Variants in BICC1 observed in about 807,000 individuals in gnomAD.
BICC1 encodes BicC family RNA binding protein 1.
A neutral mutation model predicts 111.0 loss-of-function variants in BICC1; 43 were observed. The ratio of observed to expected loss-of-function variants is 0.39; its 90% CI spans 0.30 to 0.50. BICC1 has a LOEUF of 0.50. BICC1 is among the 20% of genes least tolerant of loss of function. BICC1 has a pLI of 0.88. For missense variants in BICC1, 1,091 were observed against 1,203.2 expected (o/e 0.91, Z 1.38); for synonymous variants, 467 against 434.4 (o/e 1.07, Z -0.93).
At chr10:58,700,932 A>G (rs1286807128) in intron 2 of BICC1, among the ~76,000 whole-genome samples, 7 of 152,198 alleles carry the variant, frequency 4.6e-5, no homozygotes, top group African/African-American at 1.7e-4. Context: ...TCAAACTTTA[A>G]AAAACCTTAC....
At chr10:58,720,282 C>T (rs1322464125) in intron 3 of BICC1, among the ~76,000 whole-genome samples, 3 of 152,112 alleles carry the variant, frequency 2.0e-5, no homozygotes, top group African/African-American at 7.2e-5. Context: ...TGAATGAAAG[C>T]TCAATTTATT....
At chr10:58,701,396 T>C (rs575831396) in intron 2 of BICC1, among the ~76,000 whole-genome samples, 18 of 152,300 alleles carry the variant, frequency 1.2e-4, no homozygotes, top group Middle Eastern at 3.4e-3. Context: ...TTTCCGTTGC[T>C]GGGCAGTCGT....
At chr10:58,805,496 C>G (rs1843683731) in intron 15 of BICC1, among the ~76,000 whole-genome samples, 1 of 152,216 alleles carries the variant, frequency 6.6e-6, no homozygotes. Context: ...ATTTTAACTC[C>G]CAATGCCATT....
intron 3 of BICC1, among the ~76,000 whole-genome samples, chr10:58,710,760 A>G (rs1008103705): frequency 1.1e-4 from 16 of 151,966 alleles, no homozygotes; most frequent in African/African-American, 3.9e-4. Context: ...TTTTTTCTGT[A>G]TGTGTGGTTG....
chr10:58,795,344 T>C (rs969239187), intron 9 of BICC1, among the ~76,000 whole-genome samples: 1 of 152,186 alleles, frequency 6.6e-6, no homozygotes, highest in Non-Finnish European at 1.5e-5. Context: ...ATATAATTAG[T>C]TTAAAGTTAG....
intron 1 of BICC1, among the ~76,000 whole-genome samples, chr10:58,528,818 G>A (rs1842611252): frequency 6.6e-6 from 1 of 151,870 alleles, no homozygotes; most frequent in Non-Finnish European, 1.5e-5. Flanking sequence ...AAACCCAATG[G>A]TACTTTGAAC....
rs948615560 is a variant in BICC1 at position 58,716,732 on chromosome 10, T to A, written c.307+14589T>A. The stretch of plus-strand genomic sequence containing the variant: ...TCTGTAAGATAAGTGTAGTTTAATT[T>A]TTTTCCCCTCGTATACTTTTATTTA... On this transcript the variant is annotated intron_variant, in intron 3 of 20. Transcript: ENST00000373886. Among the ~76,000 whole-genome samples the A allele has an allele frequency of 2.0e-5, 3 of 148,436 alleles. 1 individual carries two copies. The highest frequency in any genetic ancestry group is 7.9e-5 in the African/African-American group (3 of 37,838).
chr10:58,774,276 A>G (rs1842693323), intron 3 of BICC1, among the ~76,000 whole-genome samples: 1 of 152,242 alleles, frequency 6.6e-6, no homozygotes, highest in Admixed American at 6.5e-5. Flanking sequence ...ACAGAGTTGT[A>G]GAGAAGAAAG....
intron 13 of BICC1, 96 bp from the exon 14 acceptor site, chr10:58,800,794 T>C (rs942158498): frequency 3.8e-5 from 46 of 1,224,874 alleles, no homozygotes; most frequent in Non-Finnish European, 5.2e-5. Flanking sequence ...CATGTCTCCA[T>C]AGAGTAGGGT....
In BICC1 at chr10:58,604,553, C is replaced by T. The variant is rs191584612; in HGVS notation, c.191-16302C>T. Among the ~76,000 whole-genome samples, 501 of 151,922 alleles carry T rather than the reference C, an allele frequency of 3.3e-3. 5 individuals are homozygous for T. Among genetic ancestry groups the T allele is most frequent in the African/African-American group, 6.6e-3 (272 of 41,460 alleles). On this transcript the variant is annotated intron_variant, in intron 1 of 20. Transcript: ENST00000373886. ...GCGGGCGCCTGTAGTCCCAGCTACT[C>T]GGGAGGCTGAGGCAGGAGAATGGCG... is the stretch of plus-strand genomic sequence containing the variant.
At chr10:58,781,033 A>G (rs1205997758) in intron 3 of BICC1, among the ~76,000 whole-genome samples, 1 of 152,168 alleles carries the variant, frequency 6.6e-6, no homozygotes, top group Non-Finnish European at 1.5e-5. Context: ...CCCATTTCAT[A>G]TGCATTTCCA....
intron 3 of BICC1, among the ~76,000 whole-genome samples, chr10:58,742,239 G>A (rs1841691198): frequency 6.6e-6 from 1 of 152,084 alleles, no homozygotes; most frequent in Admixed American, 6.5e-5. Context: ...TTGTCAGAAA[G>A]CTGTCTGAAG....
At chr10:58,622,664 C>T (rs999058223) in intron 2 of BICC1, among the ~76,000 whole-genome samples, 3 of 152,146 alleles carry the variant, frequency 2.0e-5, no homozygotes, top group African/African-American at 7.2e-5. Context: ...TTTGCATACT[C>T]ATCCAGCAAA....
intron 9 of BICC1, 129 bp downstream of exon 9, chr10:58,793,744 C>T (rs760835054): frequency 9.2e-6 from 9 of 977,756 alleles, no homozygotes; most frequent in African/African-American, 3.5e-5. Context: ...ATCCCCAATC[C>T]GGAATGCTCC....
intron 12 of BICC1, among the ~76,000 whole-genome samples, chr10:58,799,877 T>C (rs749379832): frequency 2.0e-5 from 3 of 152,198 alleles, no homozygotes; most frequent in Non-Finnish European, 4.4e-5. Context: ...TTTTTTCTAT[T>C]TCTGGGAAAA....
At chr10:58,607,317 A>AAAATAAATAAATAAATAAATAAAATAAAT (rs1845255812) in intron 1 of BICC1, among the ~76,000 whole-genome samples, 1 of 134,674 alleles carries the variant, frequency 7.4e-6, no homozygotes, top group East Asian at 2.3e-4. Flanking sequence ...ACTCTGTCTC[A>AAAATAAATAAATAAATAAATAAAATAAAT]AAATAAATAA....
intron 15 of BICC1, among the ~76,000 whole-genome samples, chr10:58,804,642 G>T (rs1416943264): frequency 7.2e-5 from 11 of 152,072 alleles, no homozygotes; most frequent in Non-Finnish European, 1.6e-4. Context: ...TCTTTTGATG[G>T]TTTTTGTCTT....
chr10:58,616,363 G>T (rs1385864985), intron 1 of BICC1, among the ~76,000 whole-genome samples: 1 of 152,208 alleles, frequency 6.6e-6, no homozygotes, highest in African/African-American at 2.4e-5. Flanking sequence ...TTGATAAACA[G>T]CCAAATGAAG....
chr10:58,688,062 G>A (rs757023851), intron 2 of BICC1, among the ~76,000 whole-genome samples: 31 of 152,044 alleles, frequency 2.0e-4, no homozygotes, highest in Non-Finnish European at 2.8e-4. Context: ...TGGTCTTGCC[G>A]ACTTCACGAG....
Sources: gnomAD v4.1 joint callset for allele counts (sites outside exome capture counted in the v4.1 genomes callset) on GRCh38, gnomAD v4.1.1 for gene constraint, MANE v1.5 for transcripts, NCBI Gene and HGNC (gene_info 2026-07-23, HGNC 2026-07-21) for gene names.